Variants in NCOA4 observed in about 807,000 individuals in gnomAD.
NCOA4 encodes 70 kDa AR-activator.
In NCOA4, 31 loss-of-function variants were observed where a neutral mutation model predicts 69.5. The ratio of observed to expected loss-of-function variants is 0.45; its 90% CI spans 0.34 to 0.60. NCOA4 has a LOEUF of 0.60. Among genes scored for constraint, NCOA4 ranks in the 20% least tolerant of loss-of-function variants. The probability of loss-of-function intolerance (pLI) is 0.02; values close to 1 mark genes in which losing one functional copy is unlikely to be tolerated. For missense variants in NCOA4, 600 were observed against 719.2 expected (o/e 0.83, Z 1.90); for synonymous variants, 228 against 252.4 (o/e 0.90, Z 0.92).
intron 1 of NCOA4, chr10:46,027,678 G>T: frequency 1.7e-6 from 1 of 592,342 alleles, no homozygotes; most frequent in Non-Finnish European, 3.0e-6. Flanking sequence ...TGGTTGGGTG[G>T]TCTGTTATCG....
At chr10:46,018,457 G>A (rs1554923765) in intron 1 of NCOA4, among the ~76,000 whole-genome samples, 1 of 152,216 alleles carries the variant, frequency 6.6e-6, no homozygotes. Context: ...CAAAAGTATA[G>A]TGTTTGTCAC....
At chr10:46,009,060 G>A (rs1590149145) in intron 9 of NCOA4, 1 of 1,079,246 alleles carries the variant, frequency 9.3e-7, no homozygotes, top group Admixed American at 2.4e-5. Context: ...GGAAACCAAA[G>A]TATTTGTGTA....
chr10:46,013,727 G>T, intron 5 of NCOA4, 88 bp from the exon 6 acceptor site: 1 of 878,834 alleles, frequency 1.1e-6, no homozygotes, highest in Non-Finnish European at 1.8e-6. Context: ...AAATGTTAAA[G>T]CATTACCATT....
chr10:46,025,311 C>T (rs1840100012), intron 1 of NCOA4, among the ~76,000 whole-genome samples: 1 of 152,154 alleles, frequency 6.6e-6, no homozygotes, highest in African/African-American at 2.4e-5. Flanking sequence ...TCTCTCTGGG[C>T]CCCAGCAGAT....
At chr10:46,024,812 C>A (rs1840072266) in intron 1 of NCOA4, among the ~76,000 whole-genome samples, 1 of 152,192 alleles carries the variant, frequency 6.6e-6, no homozygotes, top group Admixed American at 6.5e-5. Context: ...CCAACCATCC[C>A]AAGTAGATCA....
chr10:46,026,650 G>A (rs1840169296), intron 1 of NCOA4, among the ~76,000 whole-genome samples: 1 of 152,034 alleles, frequency 6.6e-6, no homozygotes, highest in Non-Finnish European at 1.5e-5. Context: ...CTCCTTTAAA[G>A]CCTAGAGGAC....
At chr10:46,023,456 T>A (rs1225788155) in intron 1 of NCOA4, 3 of 985,528 alleles carry the variant, frequency 3.0e-6, no homozygotes, top group South Asian at 4.7e-5. Flanking sequence ...GCAACTCCAG[T>A]TCGCCCGGGC....
In NCOA4 at chr10:46,010,568, C is replaced by G; in HGVS notation, c.1353G>C (p.Glu451Asp). The change falls in exon 8 of 10, where the codon GAG becomes GAC. Residue 451 changes from glutamate (E) to aspartate (D), a missense_variant. Glu to Asp is a conservative substitution (Grantham distance 45, BLOSUM62 2). Coordinates refer to ENST00000581486, the MANE Select transcript of NCOA4 (RefSeq NM_001145263.2). ...GMPVEPKPEP[E>D]KHKDSLNMWL... is the part of the protein sequence containing the mutation. ...ACATATTCAGGGAATCTTTATGCTT[C>G]TCAGGCTCAGGTTTGGGTTCCACAG... 1 of 1,614,174 alleles carries G rather than the reference C, an allele frequency of 6.2e-7. No homozygotes were observed. Among genetic ancestry groups the G allele is most frequent in the Non-Finnish European group, 8.5e-7 (1 of 1,180,016 alleles).
At position 46,006,555 on chromosome 10, in the gene NCOA4, A is replaced by C. The variant is rs782566865; in HGVS notation, c.*37T>G. On this transcript the variant is annotated 3_prime_UTR_variant, in exon 10 of 10. Transcript: ENST00000581486. ...AGTCACTCAGCTCATGATGTGTGAT[A>C]ATCAGCAGAAAGGCTGCTCAACTCT... The C allele has an allele frequency of 1.9e-5, 31 of 1,612,288 alleles. No homozygotes were observed. In the Admixed American group the frequency reaches 4.7e-4, roughly 24 times the overall value.
At chr10:46,015,689 T>C (rs1309999902) in intron 2 of NCOA4, among the ~76,000 whole-genome samples, 1 of 152,212 alleles carries the variant, frequency 6.6e-6, no homozygotes, top group African/African-American at 2.4e-5. Flanking sequence ...CCTACGGTTT[T>C]ACAAGTTTAT....
rs1372098041 is a variant in NCOA4 at position 46,006,472 on chromosome 10, CAGG to C, written c.*117_*119del. 4.4e-6 allele frequency: 5 copies of C among 1,124,888 alleles called. No homozygotes were observed. The highest frequency in any genetic ancestry group is 1.5e-5 in the African/African-American group (1 of 65,250). 69.7% of individuals were successfully genotyped at this position (1,124,888 alleles called of 1,614,324 possible). On this transcript the variant is annotated 3_prime_UTR_variant, in exon 10 of 10. Coordinates refer to ENST00000581486, the MANE Select transcript of NCOA4 (RefSeq NM_001145263.2). ...TTTGCTTTACTAGTTCAAAATTAGG[CAGG>C]AGAAGAACTAAGCTAATTGGTCAGA...
chr10:46,014,308 C>G, intron 5 of NCOA4, 136 bp downstream of exon 5: 1 of 657,546 alleles, frequency 1.5e-6, no homozygotes, highest in Non-Finnish European at 2.6e-6. Context: ...TGAGCCACCA[C>G]GCCCAGCTGA....
Position 46,006,222 on chromosome 10 carries a change from G to A in NCOA4, c.*370C>T, listed in dbSNP as rs1176581908. ...ACGTTAGGGAAGTTTACTAGCTTTA[G>A]AATACATCAATATACTTCGATAAAC... is the stretch of plus-strand genomic sequence containing the variant. On this transcript the variant is annotated 3_prime_UTR_variant, in exon 10 of 10. Coordinates refer to ENST00000581486, the MANE Select transcript of NCOA4 (RefSeq NM_001145263.2). 3.6e-6 allele frequency: 1 copy of A among 281,366 alleles called. No individual in the cohort carries two copies. Among genetic ancestry groups the A allele is most frequent in the East Asian group, 5.1e-5 (1 of 19,762 alleles). The allele number at this position is 281,366 out of a possible 1,614,324, so 17.4% of individuals were successfully genotyped here.
intron 9 of NCOA4, chr10:46,008,997 A>G: frequency 1.7e-6 from 1 of 600,192 alleles, no homozygotes; most frequent in Non-Finnish European, 2.9e-6. Flanking sequence ...TTAAGACATA[A>G]TGTTATTGCA....
intron 1 of NCOA4, among the ~76,000 whole-genome samples, chr10:46,020,392 A>G (rs1049020663): frequency 6.6e-6 from 1 of 152,164 alleles, no homozygotes; most frequent in Non-Finnish European, 1.5e-5. Flanking sequence ...TTAAAGTGAG[A>G]TATTATATGT....
intron 9 of NCOA4, chr10:46,009,071 GCT>G (rs1839029771): frequency 2.6e-6 from 3 of 1,164,974 alleles, no homozygotes; most frequent in Admixed American, 2.2e-5. Context: ...TATTTGTGTA[GCT>G]CTCTTTATTG....
chr10:46,029,432 G>A (rs1263418222), intron 1 of NCOA4, among the ~76,000 whole-genome samples: 1 of 152,066 alleles, frequency 6.6e-6, no homozygotes, highest in Admixed American at 6.5e-5. Context: ...TTTCTCAAAC[G>A]GTCTCAAGTA....
intron 7 of NCOA4, among the ~76,000 whole-genome samples, chr10:46,012,070 G>GAAAAACAA (rs1839248350): frequency 2.2e-5 from 1 of 44,524 alleles, no homozygotes; most frequent in African/African-American, 7.7e-5. Flanking sequence ...CAAAAAGAAA[G>GAAAAACAA]AAAAAAAAAA....
In NCOA4 at chr10:46,023,218, T is replaced by A. The variant is rs1554924851; in HGVS notation, c.-14-6524A>T. The A allele has an allele frequency of 3.1e-6, 3 of 960,144 alleles. No individual in the cohort carries two copies. The East Asian group carries it at 3.4e-4, about 110-fold the overall frequency. 59.5% of individuals were successfully genotyped at this position (960,144 alleles called of 1,614,324 possible). The stretch of plus-strand genomic sequence containing the variant: ...CCTTGCCCTCGCCCCGGTCGCCGAT[T>A]CGCACGCAGTTGTGCAGTCAGCCGC... On this transcript the variant is annotated intron_variant, in intron 1 of 9. Transcript: ENST00000581486.
Sources: gnomAD v4.1 joint callset for allele counts (sites outside exome capture counted in the v4.1 genomes callset) on GRCh38, gnomAD v4.1.1 for gene constraint, MANE v1.5 for transcripts, NCBI Gene and HGNC (gene_info 2026-07-23, HGNC 2026-07-21) for gene names.